NLRP2: variants seen among roughly 807,000 people sequenced by gnomAD.
NLRP2 encodes the protein NACHT, LRR and PYD domains-containing protein 2.
Under a neutral mutation model 97.2 loss-of-function variants are expected in NLRP2, and 107 were observed. The observed-to-expected ratio is 1.10, with a 90% CI of 0.94 to 1.29. The LOEUF is 1.29. NLRP2 is among the 50% of genes most tolerant of loss of function. The pLI is 0.00. For synonymous variants in NLRP2, 663 were observed against 551.5 expected, an observed-to-expected ratio of 1.20 and a Z score of -2.83; for missense variants, 1,495 against 1,330.3, an observed-to-expected ratio of 1.12 and a Z score of -1.93.
intron 8 of NLRP2, among the ~76,000 whole-genome samples, chr19:54,987,728 T>A (rs2072188025): frequency 1.5e-5 from 2 of 135,760 alleles, no homozygotes; most frequent in South Asian, 2.3e-4. Context: ...GGCAACAGTG[T>A]GAGACTGTCT....
At position 54,998,135 on chromosome 19, in the gene NLRP2, C is replaced by T. The variant is rs1279528795; in HGVS notation, c.3050+648C>T. ...CCAGGTTCCAGCTATTCTCATGCTT[C>T]AGCCTCCCAAGTAGCTGGGATTACA... On this transcript the variant is annotated intron_variant, in intron 12 of 12. Coordinates refer to ENST00000448584, the MANE Select transcript of NLRP2 (RefSeq NM_017852.5). Among the ~76,000 whole-genome samples the T allele has an allele frequency of 2.6e-5, 4 of 151,142 alleles. No individual in the cohort carries two copies. In the East Asian group the frequency reaches 7.8e-4, roughly 29 times the overall value.
Position 54,984,329 on chromosome 19 carries a change from G to GTGTGTGTTTTTTTTTTTTTTTTTTTTT in NLRP2, c.2030+602_2030+603insGTGTGTTTTTTTTTTTTTTTTTTTTTT. Among the ~76,000 whole-genome samples the GTGTGTGTTTTTTTTTTTTTTTTTTTTT allele has an allele frequency of 8.8e-5, 7 of 79,676 alleles. 1 individual carries two copies. The highest frequency in any genetic ancestry group is 1.8e-4 in the African/African-American group (4 of 21,642). The allele number at this position is 79,676 out of a possible 152,430, so 52.3% of individuals were successfully genotyped here. A position where few individuals can be genotyped will look rare whatever the true frequency, so the allele number is the denominator to read the frequency against. On this transcript the variant is annotated intron_variant, in intron 6 of 12. Transcript: ENST00000448584. ...AACTTAAGTGGGGGTTTTTTTTTGT[G>GTGTGTGTTTTTTTTTTTTTTTTTTTTT]TTTTTTTTTTTTTTTTTTTTTTTGG... is the stretch of plus-strand genomic sequence containing the variant.
Position 54,983,460 on chromosome 19 carries a change from T to C in NLRP2, c.1762T>C (p.Cys588Arg), listed in dbSNP as rs2071790155. ...SPDIKQELLR[C>R]DISCKGGHST... is the part of the protein sequence containing the mutation. ...GGACATCAAACAGGAATTGCTGCGA[T>C]GCGACATAAGTTGTAAGGGTGGACA... Residue 588 changes from cysteine to arginine, a missense_variant, in exon 6 of 13, where the codon TGC becomes CGC. Coordinates refer to ENST00000448584, the MANE Select transcript of NLRP2 (RefSeq NM_017852.5). The C allele has an allele frequency of 6.2e-7, 1 of 1,614,224 alleles. No homozygotes were observed. Among genetic ancestry groups the C allele is most frequent in the South Asian group, 1.1e-5 (1 of 91,084 alleles).
chr19:54,994,151 T>C (rs2072662627), intron 10 of NLRP2, 118 bp from the exon 11 acceptor site: 1 of 1,108,682 alleles, frequency 9.0e-7, no homozygotes, highest in Non-Finnish European at 1.4e-6. Flanking sequence ...CATGATTCCA[T>C]TTCCATGTCA....
In NLRP2 at chr19:54,986,405, C is replaced by A; in HGVS notation, c.2366+90C>A. 4.9e-6 allele frequency: 6 copies of A among 1,236,316 alleles called. No homozygotes were observed. In the South Asian group the frequency reaches 4.9e-5, roughly 10 times the overall value. 76.6% of individuals were successfully genotyped at this position (1,236,316 alleles called of 1,614,324 possible). On this transcript the variant is annotated intron_variant, in intron 8 of 12. Transcript: ENST00000448584. ...AATTTTGTGTAAATAAGAAAAAGTT[C>A]GTTATTCTGACTAGAAACAGTACTA...
chr19:54,990,319 C>A, intron 9 of NLRP2, 127 bp downstream of exon 9: 1 of 1,167,714 alleles, frequency 8.6e-7, no homozygotes, highest in Non-Finnish European at 1.3e-6. Context: ...ATGTTTAGAT[C>A]CAGGCCGATG....
At chr19:54,978,657 G>A (rs989635912) in intron 4 of NLRP2, among the ~76,000 whole-genome samples, 2 of 151,874 alleles carry the variant, frequency 1.3e-5, no homozygotes, top group Admixed American at 1.3e-4. Flanking sequence ...AGACCATCCT[G>A]GCCAACATGG....
rs1388504938 is a variant in NLRP2, at chr19:54,982,278, C to T, written c.580C>T (p.Pro194Ser). 3.7e-6 allele frequency: 6 copies of T among 1,613,908 alleles called. No homozygotes were observed. The highest frequency in any genetic ancestry group is 5.1e-6 in the Non-Finnish European group (6 of 1,179,990). The change falls in exon 6 of 13, where the codon CCA becomes TCA. Residue 194 changes from proline to serine, a missense_variant. Pro to Ser is a moderately conservative substitution (Grantham distance 74). Transcript: ENST00000448584. ...VMAERYKMLIPFSNPRVLPGP... is the reference protein window; with the variant it reads ...VMAERYKMLISFSNPRVLPGP... The stretch of plus-strand genomic sequence containing the variant: ...GGCTGAGAGATACAAGATGCTGATC[C>T]CATTCAGCAACCCCAGGGTGCTTCC...
Position 54,987,121 on chromosome 19 carries a change from G to A in NLRP2, c.2366+806G>A, listed in dbSNP as rs572910736. Among the ~76,000 whole-genome samples the A allele has an allele frequency of 6.4e-3, 966 of 150,794 alleles. 15 individuals carry two copies. Among genetic ancestry groups the A allele is most frequent in the African/African-American group, 0.022 (912 of 40,958 alleles). ...GCTGGTCTCGAACTCATGACCTCAG[G>A]TGATCTACCCCCCCACCCCCACCCC... On this transcript the variant is annotated intron_variant, in intron 8 of 12. Coordinates refer to ENST00000448584, the MANE Select transcript of NLRP2 (RefSeq NM_017852.5).
At chr19:54,983,965 C>G (rs1436373577) in intron 6 of NLRP2, among the ~76,000 whole-genome samples, 7 of 152,146 alleles carry the variant, frequency 4.6e-5, no homozygotes. Context: ...ATTCTTCTGC[C>G]TCAGCCTCCT....
rs140300198 is a variant in NLRP2 at position 54,983,168 on chromosome 19, C to A, written c.1470C>A (p.Arg490=). 1.2e-3 allele frequency: 1,974 copies of A among 1,614,024 alleles called. 16 individuals carry two copies. In the African/African-American group the frequency reaches 0.023, roughly 19 times the overall value. ...TGTTCCTGGACGGAGACATCCTCCG[C>A]CAGGACAGAGTCTCCAAAGGCTGCT... ...LRLFLDGDIL[R]QDRVSKGCYS... Residue 490 remains arginine, a synonymous_variant, in exon 6 of 13, where the codon CGC becomes CGA. Coordinates refer to ENST00000448584, the MANE Select transcript of NLRP2 (RefSeq NM_017852.5).
intron 12 of NLRP2, among the ~76,000 whole-genome samples, chr19:55,000,170 T>C (rs1168812895): frequency 6.7e-6 from 1 of 148,260 alleles, no homozygotes; most frequent in Non-Finnish European, 1.5e-5. Context: ...TCCCAGCTAC[T>C]CGGGAGGCAG....
chr19:54,999,823 G>A (rs1332435569), intron 12 of NLRP2, among the ~76,000 whole-genome samples: 2 of 151,962 alleles, frequency 1.3e-5, no homozygotes, highest in African/African-American at 2.4e-5. Context: ...TGTAACCTCC[G>A]CCTCCCAGGT....
chr19:54,989,076 G>A (rs747093555), intron 8 of NLRP2, among the ~76,000 whole-genome samples: 1 of 151,908 alleles, frequency 6.6e-6, no homozygotes, highest in East Asian at 2.0e-4. Flanking sequence ...TCTTGCCTCA[G>A]CCTCCTGAGT....
At chr19:54,997,201 G>A (rs1390967987) in intron 11 of NLRP2, 116 bp from the exon 12 acceptor site, 38 of 1,077,910 alleles carry the variant, frequency 3.5e-5, no homozygotes, top group Middle Eastern at 2.9e-4. Context: ...CACCGTGCCC[G>A]GCCTGAGACT....
intron 3 of NLRP2, among the ~76,000 whole-genome samples, chr19:54,974,943 G>A (rs12609335): frequency 0.2 from 30,092 of 151,268 alleles, 3,660 homozygotes; most frequent in Admixed American, 0.35. Context: ...GGGATTACAG[G>A]TACCTGCCAC....
chr19:54,977,870 C>G, intron 4 of NLRP2, 47 bp downstream of exon 4: 1 of 1,542,866 alleles, frequency 6.5e-7, no homozygotes, highest in Non-Finnish European at 8.9e-7. Context: ...GGAAGCCCCC[C>G]GTTCTTGCTG....
At chr19:54,976,584 T>G (rs781586190) in intron 3 of NLRP2, among the ~76,000 whole-genome samples, 1 of 152,014 alleles carries the variant, frequency 6.6e-6, no homozygotes, top group Non-Finnish European at 1.5e-5. Context: ...TGACCTCAAA[T>G]GAACTGTCTG....
At chr19:55,000,261 A>G (rs2073101467) in intron 12 of NLRP2, among the ~76,000 whole-genome samples, 2 of 114,778 alleles carry the variant, frequency 1.7e-5, no homozygotes, top group Admixed American at 9.9e-5. Flanking sequence ...TGGGCAACAG[A>G]GAGACTGTCT....
Sources: allele counts gnomAD v4.1 joint callset (sites outside exome capture counted in the v4.1 genomes callset), GRCh38; gene constraint gnomAD v4.1.1; transcripts MANE v1.5; gene names NCBI Gene and HGNC (gene_info 2026-07-23, HGNC 2026-07-21).